HELQ: variants seen among roughly 807,000 people sequenced by gnomAD.
The protein encoded by HELQ is helicase POLQ-like.
A neutral mutation model predicts 111.6 loss-of-function variants in HELQ; 77 were observed. The ratio of observed to expected loss-of-function variants is 0.69; its 90% confidence interval spans 0.57 to 0.83. HELQ has a LOEUF of 0.83. Ranked by LOEUF, HELQ falls within the 40% of genes least tolerant of loss-of-function variation. The pLI is 0.00. For synonymous variants in HELQ, 438 were observed against 454.7 expected (o/e 0.96, Z 0.47); for missense variants, 1,200 against 1,288.5 (o/e 0.93, Z 1.05).
In HELQ at chr4:83,427,563, C is replaced by G; in HGVS notation, c.2676G>C (p.Gln892His). 6.5e-7 allele frequency: 1 copy of G among 1,528,608 alleles called. No individual in the cohort carries two copies. The highest frequency in any genetic ancestry group is 8.8e-7 in the Non-Finnish European group (1 of 1,142,188). The allele number at this position is 1,528,608 out of a possible 1,614,324, so 94.7% of individuals were successfully genotyped here. A position where few individuals can be genotyped will look rare whatever the true frequency, so the allele number is the denominator to read the frequency against. The change falls in exon 13 of 18, where the codon CAG becomes CAC. Residue 892 changes from glutamine to histidine, a missense_variant and splice_region_variant. Gln to His is a conservative substitution (Grantham distance 24). This residue lies in a region of HELQ where 585 missense variants were observed against 665.3 expected (regional missense o/e 0.88). Transcript: ENST00000295488. ...CNPDWMIYFR[Q>H]FSQLSPAEQN... ...AAGTTGAAAAACGTTATATTCTCACCTGCCTGAAGTATATCATCCAATCAG... is the reference window on the plus strand; with the variant it reads ...AAGTTGAAAAACGTTATATTCTCACGTGCCTGAAGTATATCATCCAATCAG...
intron 9 of HELQ, among the ~76,000 whole-genome samples, chr4:83,433,178 CTCTT>C (rs1482965866): frequency 1.3e-5 from 2 of 152,070 alleles, no homozygotes; most frequent in Admixed American, 1.3e-4. Flanking sequence ...AGTCAACTTC[CTCTT>C]TATTTATAAA....
At chr4:83,428,037 A>G (rs956976375) in intron 12 of HELQ, among the ~76,000 whole-genome samples, 2 of 152,246 alleles carry the variant, frequency 1.3e-5, no homozygotes, top group African/African-American at 4.8e-5. Context: ...GTCCATCAAC[A>G]TCGAATGGTT....
chr4:83,450,542 CGA>C (rs1721305111), intron 2 of HELQ, among the ~76,000 whole-genome samples: 1 of 151,684 alleles, frequency 6.6e-6, no homozygotes, highest in African/African-American at 2.4e-5. Context: ...TGGTATCACC[CGA>C]GTTATCAAAT....
rs780631908 is a variant in HELQ, at chr4:83,455,571, T to C, written c.123A>G (p.Lys41=). 1.5e-5 allele frequency: 24 copies of C among 1,614,064 alleles called. No individual in the cohort carries two copies. Among genetic ancestry groups the C allele is most frequent in the East Asian group, 2.2e-5 (1 of 44,884 alleles). Residue 41 remains lysine, a synonymous_variant, in exon 1 of 18, where the codon AAA becomes AAG. Coordinates refer to ENST00000295488, the MANE Select transcript of HELQ (RefSeq NM_133636.5). ...TCTCAGCCACCATTTCCTCCTCCTCTTTCCCCTCATCTCCGGGCACGAGCT... is the reference window on the plus strand; with the variant it reads ...TCTCAGCCACCATTTCCTCCTCCTCCTTCCCCTCATCTCCGGGCACGAGCT... The part of the protein sequence containing the change: ...AAELVPGDEG[K]EEEEMVAENR...
chr4:83,430,708 C>T (rs1311323296), intron 11 of HELQ, among the ~76,000 whole-genome samples: 1 of 152,144 alleles, frequency 6.6e-6, no homozygotes, highest in African/African-American at 2.4e-5. Context: ...GGAGCACAGA[C>T]ATTTTCTATT....
In HELQ at chr4:83,448,940, G is replaced by GTTAA. The variant is rs1721202952; in HGVS notation, c.1030_1033dup (p.Thr345IlefsTer27). ...TTTTCTTTCTTGCACAGAATTCAAT[G>GTTAA]TTAAACAAGTATGTTGCCATTCTGT... On this transcript the variant is annotated frameshift_variant, in exon 3 of 18. Coordinates refer to ENST00000295488, the MANE Select transcript of HELQ (RefSeq NM_133636.5). LOFTEE classifies it high-confidence loss of function. 6.3e-7 allele frequency: 1 copy of GTTAA among 1,598,934 alleles called. No individual in the cohort carries two copies. Among genetic ancestry groups the GTTAA allele is most frequent in the African/African-American group, 1.4e-5 (1 of 73,768 alleles).
chr4:83,442,512 A>G (rs1021319495), intron 6 of HELQ, among the ~76,000 whole-genome samples: 46 of 149,958 alleles, frequency 3.1e-4, no homozygotes, highest in African/African-American at 1.1e-3. Context: ...ACTGGGTTCA[A>G]GCGATTCTCC....
At chr4:83,410,553 T>C (rs1226789212) in intron 17 of HELQ, among the ~76,000 whole-genome samples, 1 of 152,168 alleles carries the variant, frequency 6.6e-6, no homozygotes, top group African/African-American at 2.4e-5. Flanking sequence ...ATGAGGTTTC[T>C]CATTATTGGA....
intron 6 of HELQ, among the ~76,000 whole-genome samples, chr4:83,443,064 T>C (rs1391437132): frequency 6.6e-6 from 1 of 152,164 alleles, no homozygotes; most frequent in African/African-American, 2.4e-5. Context: ...GGAGTTTATA[T>C]GTAAATCCAT....
intron 9 of HELQ, among the ~76,000 whole-genome samples, chr4:83,435,952 T>C (rs1187313063): frequency 7.1e-6 from 1 of 140,216 alleles, no homozygotes; most frequent in Non-Finnish European, 1.5e-5. Context: ...AATAAAAGAA[T>C]GGAAAAAGGT....
At chr4:83,455,106 T>C (rs1329428865) in intron 1 of HELQ, among the ~76,000 whole-genome samples, 1 of 152,172 alleles carries the variant, frequency 6.6e-6, no homozygotes, top group East Asian at 1.9e-4. Context: ...TAACGGGTCT[T>C]CAATAAACAG....
rs527474458 is a variant in HELQ, at chr4:83,428,830, T to C, written c.2518+694A>G. Reference sequence around the variant, plus strand: ...TAATTTATAAAAAGTTTCAGAATAATATAAATGATTATTTGTTTAAAGACA... The same window carrying C: ...TAATTTATAAAAAGTTTCAGAATAACATAAATGATTATTTGTTTAAAGACA... On this transcript the variant is annotated intron_variant, in intron 12 of 17. Coordinates refer to ENST00000295488, the MANE Select transcript of HELQ (RefSeq NM_133636.5). Among the ~76,000 whole-genome samples, 177 of 150,998 alleles carry C rather than the reference T, an allele frequency of 1.2e-3. 1 individual carries two copies. The highest frequency in any genetic ancestry group is 1.8e-3 in the Non-Finnish European group (120 of 67,950).
chr4:83,421,200 C>T (rs1391663778), intron 15 of HELQ, among the ~76,000 whole-genome samples: 1 of 152,288 alleles, frequency 6.6e-6, no homozygotes, highest in East Asian at 1.9e-4. Flanking sequence ...AAACACCTGA[C>T]ATTTTTATTA....
chr4:83,422,554 A>C (rs924199402), intron 14 of HELQ, among the ~76,000 whole-genome samples: 10 of 152,210 alleles, frequency 6.6e-5, no homozygotes, highest in Non-Finnish European at 1.0e-4. Context: ...GGAGGGATGC[A>C]TCTATAAGCC....
chr4:83,453,475 AC>A lies in HELQ; in HGVS notation c.767del (p.Ser256IlefsTer4). 1 of 1,611,994 alleles carries A rather than the reference AC, an allele frequency of 6.2e-7. No individual in the cohort carries two copies. The highest frequency in any genetic ancestry group is 8.5e-7 in the Non-Finnish European group (1 of 1,179,526). Reference protein sequence around the residue: ...NDESSSKVRTSSDMNRRKSIK... With the variant: ...NDESSSKVRTXSDMNRRKSIK... Reference sequence around the variant, plus strand: ...TACTTTTTCTCCTGTTCATATCTGAACTAGTTCTGACTTTGGAAGAGGACTC... The same window carrying A: ...TACTTTTTCTCCTGTTCATATCTGAATAGTTCTGACTTTGGAAGAGGACTC... On this transcript the variant is annotated frameshift_variant, in exon 2 of 18. Transcript: ENST00000295488. LOFTEE classifies it high-confidence loss of function.
At chr4:83,420,741 C>T (rs971663305) in intron 15 of HELQ, among the ~76,000 whole-genome samples, 8 of 152,076 alleles carry the variant, frequency 5.3e-5, no homozygotes, top group South Asian at 4.1e-4. Flanking sequence ...GCTAAGATTG[C>T]GCCACTGTAC....
In HELQ at chr4:83,431,655, G is replaced by C; in HGVS notation, c.2295+9C>G. 4.1e-6 allele frequency: 6 copies of C among 1,477,046 alleles called. No homozygotes were observed. The highest frequency in any genetic ancestry group is 5.5e-6 in the Non-Finnish European group (6 of 1,086,322). The allele number at this position is 1,477,046 out of a possible 1,614,324, so 91.5% of individuals were successfully genotyped here. On this transcript the variant is annotated intron_variant, in intron 11 of 17. Coordinates refer to ENST00000295488, the MANE Select transcript of HELQ (RefSeq NM_133636.5). ...AACAGTAATAAGATAAAAAATTTAA[G>C]AAAAATACCTTCAAACCAATCAAAG...
At chr4:83,407,637 G>A (rs918982848) in intron 17 of HELQ, 77 bp from the exon 18 acceptor site, 20 of 823,070 alleles carry the variant, frequency 2.4e-5, no homozygotes, top group Non-Finnish European at 1.4e-5. Context: ...ACTGTCCATT[G>A]AACACCTGAA....
Position 83,416,824 on chromosome 4 carries a change from T to C in HELQ, c.3105A>G (p.Leu1035=). Reference sequence around the variant, plus strand: ...CAGGATTTGCATTAGCTAAGTGCATTAGACTTTTGTAACCTGCACTGTATA... The same window carrying C: ...CAGGATTTGCATTAGCTAAGTGCATCAGACTTTTGTAACCTGCACTGTATA... ...KQLYSAGYKS[L]MHLANANPEV... Residue 1035 remains leucine (L), a synonymous_variant, in exon 17 of 18, where the codon CTA becomes CTG. Transcript: ENST00000295488. 2.5e-6 allele frequency: 4 copies of C among 1,613,672 alleles called. No homozygotes were observed. Among genetic ancestry groups the C allele is most frequent in the Non-Finnish European group, 3.4e-6 (4 of 1,179,608 alleles).
Sources: allele counts gnomAD v4.1 joint callset (sites outside exome capture counted in the v4.1 genomes callset), GRCh38; gene constraint gnomAD v4.1.1; regional missense constraint gnomAD v4.1.1; transcripts MANE v1.5; gene names NCBI Gene and HGNC (gene_info 2026-07-23, HGNC 2026-07-21).